Variants in P2RX4 observed in about 807,000 individuals in gnomAD.
P2RX4 encodes the protein purinergic receptor P2X 4, also known as P2X purinoceptor 4.
In P2RX4, 37 loss-of-function variants were observed where a neutral mutation model predicts 48.0. That is an observed-to-expected ratio of 0.77 (90% CI 0.59 to 1.01). The LOEUF (loss-of-function observed/expected upper bound fraction) is 1.01. P2RX4 is among the 50% of genes least tolerant of loss of function. The probability of loss-of-function intolerance (pLI) is 0.00; values close to 1 mark genes in which losing one functional copy is unlikely to be tolerated. For synonymous variants in P2RX4, 200 were observed against 199.7 expected, an observed-to-expected ratio of 1.00 and a Z score of -0.01; for missense variants, 501 against 521.4, an observed-to-expected ratio of 0.96 and a Z score of 0.38.
At chr12:121,226,420 T>C (rs1192873456) in intron 5 of P2RX4, among the ~76,000 whole-genome samples, 1 of 151,776 alleles carries the variant, frequency 6.6e-6, no homozygotes, top group Non-Finnish European at 1.5e-5. Flanking sequence ...GGTGCGCACC[T>C]GTAATCCCAC....
In P2RX4 at chr12:121,221,987, AG is replaced by A; in HGVS notation, c.354+5del. ...AGACACAGGGCCTGTGCCCCGAGGTAGGAGGCCCCCGGGAAGAGCCCCAGGC... is the reference window on the plus strand; with the variant it reads ...AGACACAGGGCCTGTGCCCCGAGGTAGAGGCCCCCGGGAAGAGCCCCAGGC... On this transcript the variant is annotated splice_donor_region_variant and intron_variant, in intron 3 of 11. Coordinates refer to ENST00000337233, the MANE Select transcript of P2RX4 (RefSeq NM_002560.3). 6.2e-7 allele frequency: 1 copy of A among 1,613,714 alleles called. No homozygotes were observed. The highest frequency in any genetic ancestry group is 1.3e-5 in the African/African-American group (1 of 75,060).
chr12:121,222,477 A>C (rs1886698585), intron 4 of P2RX4: 1 of 461,882 alleles, frequency 2.2e-6, no homozygotes, highest in Non-Finnish European at 4.0e-6. Context: ...CAATGGCATG[A>C]TCTCGGCTCA....
chr12:121,211,245 C>T (rs1885823037), intron 1 of P2RX4, among the ~76,000 whole-genome samples: 1 of 152,106 alleles, frequency 6.6e-6, no homozygotes, highest in South Asian at 2.1e-4. Context: ...TCTTGTCGCC[C>T]GGGCTGGAGT....
At chr12:121,230,990 T>A (rs1003150667) in intron 8 of P2RX4, among the ~76,000 whole-genome samples, 18 of 136,144 alleles carry the variant, frequency 1.3e-4, no homozygotes, top group South Asian at 4.9e-4. Context: ...ATATTTTTTT[T>A]TTTTTCTTCT....
In P2RX4 at chr12:121,232,667, G is replaced by C. The variant is rs555379335; in HGVS notation, c.1035G>C (p.Leu345=). 2 of 1,613,384 alleles carry C rather than the reference G, an allele frequency of 1.2e-6. No individual in the cohort carries two copies. The highest frequency in any genetic ancestry group is 2.2e-5 in the South Asian group (2 of 91,064). The change falls in exon 10 of 12, where the codon CTG becomes CTC. Residue 345 remains leucine (L), a synonymous_variant. Transcript: ENST00000337233. This position sits in a 1 kb window ranked among gnomAD's most constrained non-coding sequence, Gnocchi z 4.3. ...TCAACATCGGCTCTGGCCTGGCACT[G>C]CTAGGCATGGTGAGTGGTTTAGGCC... ...TMINIGSGLA[L]LGMATVLCDI... is the part of the protein sequence containing the mutation.
chr12:121,217,418 G>A (rs576697977), intron 2 of P2RX4, 137 bp downstream of exon 2: 10 of 882,790 alleles, frequency 1.1e-5, no homozygotes, highest in African/African-American at 1.7e-5. Context: ...CCAAGAAAAC[G>A]GTGCAGCCAG....
At position 121,229,339 on chromosome 12, in the gene P2RX4, G is replaced by T. The variant is rs959827270; in HGVS notation, c.884+240G>T. Among the ~76,000 whole-genome samples, 2 of 152,160 alleles carry T rather than the reference G, an allele frequency of 1.3e-5. No individual in the cohort carries two copies. The highest frequency in any genetic ancestry group is 4.8e-5 in the African/African-American group (2 of 41,448). On this transcript the variant is annotated intron_variant, in intron 8 of 11. Coordinates refer to ENST00000337233, the MANE Select transcript of P2RX4 (RefSeq NM_002560.3). This position sits in a 1 kb window ranked among gnomAD's most constrained non-coding sequence, Gnocchi z 4.6. ...CCTTTCCTGCCGCAAGAAACATGTT[G>T]AGATGGTTCTTAGAGCAGCCAGGAG...
At chr12:121,218,216 G>A (rs761809193) in intron 2 of P2RX4, among the ~76,000 whole-genome samples, 3 of 151,838 alleles carry the variant, frequency 2.0e-5, no homozygotes, top group South Asian at 2.1e-4. Context: ...GGCCAGGTGC[G>A]GTGGCTCATG....
chr12:121,215,355 A>G (rs1443248400), intron 1 of P2RX4: 2 of 151,818 alleles, frequency 1.3e-5, no homozygotes, highest in African/African-American at 4.8e-5. Flanking sequence ...GGCCAAAGTT[A>G]TGCCTCGTGA....
intron 4 of P2RX4, 50 bp from the exon 5 acceptor site, chr12:121,222,897 T>C: frequency 6.8e-7 from 1 of 1,481,152 alleles, no homozygotes; most frequent in Non-Finnish European, 9.4e-7. Context: ...AGGTAGAAAA[T>C]AGGAGACCCC....
intron 1 of P2RX4, chr12:121,214,588 A>C (rs1382137817): frequency 1.3e-5 from 2 of 152,204 alleles, no homozygotes; most frequent in Non-Finnish European, 2.9e-5. Flanking sequence ...GTACTTGATG[A>C]GTACATCAGT....
rs765866317 is a variant in P2RX4 at position 121,222,142 on chromosome 12, G to A, written c.403G>A (p.Gly135Ser). 1.5e-5 allele frequency: 24 copies of A among 1,613,208 alleles called. No individual in the cohort carries two copies. The highest frequency in any genetic ancestry group is 3.3e-5 in the South Asian group (3 of 91,068). Residue 135 changes from glycine to serine, a missense_variant, in exon 4 of 12, where the codon GGC (glycine) becomes AGC (serine). Transcript: ENST00000337233. ...VCKSDASCTA[G>S]SAGTHSNGVS... ...TAAATCAGATGCCAGCTGTACTGCCGGCTCTGCCGGCACCCACAGCAACGG... is the reference window on the plus strand; with the variant it reads ...TAAATCAGATGCCAGCTGTACTGCCAGCTCTGCCGGCACCCACAGCAACGG...
At position 121,222,134 on chromosome 12, in the gene P2RX4, G is replaced by A. The variant is rs772791158; in HGVS notation, c.395G>A (p.Cys132Tyr). The A allele has an allele frequency of 6.8e-6, 11 of 1,607,224 alleles. No individual in the cohort carries two copies. Among genetic ancestry groups the A allele is most frequent in the Non-Finnish European group, 8.5e-6 (10 of 1,174,492 alleles). ...ACTGTGTGTAAATCAGATGCCAGCT[G>A]TACTGCCGGCTCTGCCGGCACCCAC... ...ATTVCKSDAS[C>Y]TAGSAGTHSN... The change falls in exon 4 of 12, where the codon TGT becomes TAT. Residue 132 changes from cysteine (C) to tyrosine (Y), a missense_variant. By Grantham distance (194) the Cys-to-Tyr change is radical. Around this residue, in one of 3 missense-constraint regions of P2RX4, gnomAD observed 295 missense variants for 275.3 expected, o/e 1.07. Coordinates refer to ENST00000337233, the MANE Select transcript of P2RX4 (RefSeq NM_002560.3).
Position 121,233,810 on chromosome 12 carries a change from G to A in P2RX4, c.*261G>A, listed in dbSNP as rs2136251952. Reference sequence around the variant, plus strand: ...ACCTGGGGTTGTCGGGGGAGCGCTGGCCCGACGCAGTGGCACTGCTGTGGC... The same window carrying A: ...ACCTGGGGTTGTCGGGGGAGCGCTGACCCGACGCAGTGGCACTGCTGTGGC... On this transcript the variant is annotated 3_prime_UTR_variant, in exon 12 of 12. Coordinates refer to ENST00000337233, the MANE Select transcript of P2RX4 (RefSeq NM_002560.3). The A allele has an allele frequency of 1.4e-6, 1 of 705,602 alleles. No individual in the cohort carries two copies. Among genetic ancestry groups the A allele is most frequent in the East Asian group, 3.1e-5 (1 of 32,718 alleles). 43.7% of individuals were successfully genotyped at this position (705,602 alleles called of 1,614,324 possible). A position where few individuals can be genotyped will look rare whatever the true frequency, so the allele number is the denominator to read the frequency against.
At chr12:121,210,796 G>C (rs1357889903) in intron 1 of P2RX4, among the ~76,000 whole-genome samples, 1 of 152,156 alleles carries the variant, frequency 6.6e-6, no homozygotes, top group African/African-American at 2.4e-5. Flanking sequence ...ATAAATAAAG[G>C]CAAAGCCTGG....
intron 5 of P2RX4, among the ~76,000 whole-genome samples, chr12:121,223,985 GGCAGC>G (rs1395232680): frequency 6.6e-6 from 1 of 152,212 alleles, no homozygotes; most frequent in Non-Finnish European, 1.5e-5. Flanking sequence ...TAGCCCGGGA[GGCAGC>G]GCTGCACTTA....
chr12:121,215,649 T>C (rs990987010), intron 1 of P2RX4: 1 of 152,144 alleles, frequency 6.6e-6, no homozygotes, highest in Non-Finnish European at 1.5e-5. Context: ...ACGAGAATCT[T>C]TAAAGCAGTA....
At position 121,217,243 on chromosome 12, in the gene P2RX4, C is replaced by CG; in HGVS notation, c.246dup (p.Ile83AspfsTer45). 1 of 1,614,190 alleles carries CG rather than the reference C, an allele frequency of 6.2e-7. No homozygotes were observed. The highest frequency in any genetic ancestry group is 8.5e-7 in the Non-Finnish European group (1 of 1,180,040). On this transcript the variant is annotated frameshift_variant, in exon 2 of 12. Transcript: ENST00000337233. LOFTEE classifies it high-confidence loss of function. The stretch of plus-strand genomic sequence containing the variant: ...GACCAACACTTCTAAACTTGGATTC[C>CG]GGATCTGGGATGTGGCGGATTATGT...
chr12:121,218,422 T>C (rs754369152), intron 2 of P2RX4, among the ~76,000 whole-genome samples: 4 of 151,794 alleles, frequency 2.6e-5, no homozygotes, highest in Non-Finnish European at 5.9e-5. Flanking sequence ...AGGCGGAGGT[T>C]GTAGTGAGCC....
Sources: allele counts gnomAD v4.1 joint callset (sites outside exome capture counted in the v4.1 genomes callset), GRCh38; gene constraint gnomAD v4.1.1; regional missense constraint gnomAD v4.1.1; non-coding constraint Gnocchi (gnomAD v3.1); transcripts MANE v1.5; gene names NCBI Gene and HGNC (gene_info 2026-07-23, HGNC 2026-07-21).